TRPM3: variants seen among roughly 807,000 people sequenced by gnomAD.
TRPM3 encodes the protein long transient receptor potential channel 3.
TRPM3 carries 77 observed loss-of-function variants against 181.2 expected under a neutral mutation model. The ratio of observed to expected loss-of-function variants is 0.42; its 90% confidence interval spans 0.35 to 0.51. TRPM3 has a LOEUF of 0.51. Ranked by LOEUF, TRPM3 falls within the 20% of genes least tolerant of loss-of-function variation. TRPM3 has a pLI of 0.01. For missense variants in TRPM3, 1,759 were observed against 2,196.7 expected, an observed-to-expected ratio of 0.80 and a Z score of 3.98; for synonymous variants, 745 against 796.4, an observed-to-expected ratio of 0.94 and a Z score of 1.09.
intron 1 of TRPM3, among the ~76,000 whole-genome samples, chr9:71,301,792 T>C (rs2086799670): frequency 6.6e-6 from 1 of 152,184 alleles, no homozygotes; most frequent in Non-Finnish European, 1.5e-5. Flanking sequence ...TTATAAGAAC[T>C]GTCTACCTAA....
intron 1 of TRPM3, among the ~76,000 whole-genome samples, chr9:71,430,204 G>A (rs2093934288): frequency 1.3e-5 from 2 of 152,130 alleles, no homozygotes; most frequent in South Asian, 2.1e-4. Context: ...CACATAATCA[G>A]ATTGTTGTAC....
intron 1 of TRPM3, among the ~76,000 whole-genome samples, chr9:71,269,178 A>G (rs1455407691): frequency 6.6e-6 from 1 of 152,246 alleles, no homozygotes; most frequent in Admixed American, 6.5e-5. Context: ...GAGCTGGTAC[A>G]TTATACACAA....
At chr9:71,116,685 A>ATTTC (rs891533479) in intron 1 of TRPM3, among the ~76,000 whole-genome samples, 1 of 152,120 alleles carries the variant, frequency 6.6e-6, no homozygotes, top group Non-Finnish European at 1.5e-5. Context: ...ATACTTCTGT[A>ATTTC]TCACAAAGAG....
intron 1 of TRPM3, among the ~76,000 whole-genome samples, chr9:71,251,539 A>G (rs1290459772): frequency 6.6e-6 from 1 of 152,196 alleles, no homozygotes; most frequent in East Asian, 1.9e-4. Context: ...TTTTAACATT[A>G]GAATACTCAC....
chr9:70,886,340 C>G (rs1295471177), intron 1 of TRPM3, among the ~76,000 whole-genome samples: 1 of 152,182 alleles, frequency 6.6e-6, no homozygotes, highest in Non-Finnish European at 1.5e-5. Context: ...ACAATGGGAA[C>G]TCCCAAGGAG....
rs2040572054 is a variant in TRPM3 at position 70,529,465 on chromosome 9, A to G, written c.*6488T>C. 2.0e-5 allele frequency: 3 copies of G among 152,174 alleles called. No homozygotes were observed. The highest frequency in any genetic ancestry group is 4.4e-5 in the Non-Finnish European group (3 of 68,034). The allele number at this position is 152,174 out of a possible 1,614,324, so 9.4% of individuals were successfully genotyped here. ...ATTATGAAATGGCTATGAGTACAGT[A>G]TACTGCACGTACTGTTTTTACACAG... On this transcript the variant is annotated 3_prime_UTR_variant, in exon 26 of 26. Transcript: ENST00000677713.
At chr9:71,360,171 A>T (rs1365729837) in intron 1 of TRPM3, among the ~76,000 whole-genome samples, 1 of 152,146 alleles carries the variant, frequency 6.6e-6, no homozygotes, top group Non-Finnish European at 1.5e-5. Context: ...AGGTTAGGTA[A>T]TCTCAAAGCT....
rs986780767 is a variant in TRPM3 at position 71,119,030 on chromosome 9, G to A, written c.177+2148C>T. Reference sequence around the variant, plus strand: ...AGGAGAAACATACAACAATCCATAGGAAAAAAATACATAGCATTCACAGCC... The same window carrying A: ...AGGAGAAACATACAACAATCCATAGAAAAAAAATACATAGCATTCACAGCC... On this transcript the variant is annotated intron_variant, in intron 1 of 25. Transcript: ENST00000677713. Among the ~76,000 whole-genome samples the A allele has an allele frequency of 2.0e-5, 3 of 152,100 alleles. No homozygotes were observed. In the East Asian group the frequency reaches 5.8e-4, roughly 29 times the overall value.
intron 20 of TRPM3, among the ~76,000 whole-genome samples, chr9:70,600,195 CT>C (rs905333467): frequency 6.6e-6 from 1 of 152,182 alleles, no homozygotes; most frequent in African/African-American, 2.4e-5. Context: ...GGGAATGCCA[CT>C]TAGTGAAGCT....
upstream of TRPM3, among the ~76,000 whole-genome samples, chr9:71,124,478 A>G (rs1044298045): frequency 1.3e-5 from 2 of 152,176 alleles, no homozygotes; most frequent in Admixed American, 6.5e-5. Flanking sequence ...TATCCTAAAA[A>G]ATAGCAAGCA....
intron 1 of TRPM3, among the ~76,000 whole-genome samples, chr9:71,242,658 A>T (rs1163917731): frequency 6.6e-6 from 1 of 152,144 alleles, no homozygotes; most frequent in Non-Finnish European, 1.5e-5. Context: ...TACTACCACC[A>T]TTACTATCAT....
At chr9:71,255,909 T>C (rs966649885) in intron 1 of TRPM3, among the ~76,000 whole-genome samples, 1 of 152,170 alleles carries the variant, frequency 6.6e-6, no homozygotes, top group Non-Finnish European at 1.5e-5. Flanking sequence ...GCCACAATTA[T>C]CTTGTTTTCA....
chr9:71,189,953 T>C (rs2077910527), intron 1 of TRPM3, among the ~76,000 whole-genome samples: 1 of 151,960 alleles, frequency 6.6e-6, no homozygotes, highest in Non-Finnish European at 1.5e-5. Context: ...TAAAAATTTA[T>C]CTGCAGCCTA....
intron 1 of TRPM3, among the ~76,000 whole-genome samples, chr9:71,073,526 C>T (rs1027288527): frequency 6.6e-6 from 1 of 152,152 alleles, no homozygotes; most frequent in Non-Finnish European, 1.5e-5. Flanking sequence ...TTTAATTTTG[C>T]TGGCCAGAGA....
intron 1 of TRPM3, among the ~76,000 whole-genome samples, chr9:71,237,071 A>AGGG (rs1565371758): frequency 7.5e-5 from 11 of 145,798 alleles, no homozygotes; most frequent in African/African-American, 2.6e-4. Flanking sequence ...GGGGGGGGGA[A>AGGG]AAAAAGAAAG....
intron 24 of TRPM3, among the ~76,000 whole-genome samples, chr9:70,550,561 G>A (rs1259717525): frequency 1.3e-5 from 2 of 152,220 alleles, no homozygotes; most frequent in South Asian, 4.1e-4. Flanking sequence ...AGTAGAAAGA[G>A]CCCAGTGGAA....
At chr9:71,201,494 A>G (rs1587924242) in intron 1 of TRPM3, among the ~76,000 whole-genome samples, 2 of 152,252 alleles carry the variant, frequency 1.3e-5, no homozygotes, top group Admixed American at 6.5e-5. Context: ...CATTCTCCCC[A>G]TCACTTTCAG....
chr9:70,600,757 A>G (rs1010811205), intron 20 of TRPM3, among the ~76,000 whole-genome samples: 1 of 152,224 alleles, frequency 6.6e-6, no homozygotes, highest in African/African-American at 2.4e-5. Flanking sequence ...GCATCTTAAC[A>G]GAGCAAAAAT....
In TRPM3 at chr9:70,894,052, G is replaced by A. The variant is rs373888805; in HGVS notation, c.178-29541C>T. On this transcript the variant is annotated intron_variant, in intron 1 of 25. Coordinates refer to ENST00000677713, the MANE Select transcript of TRPM3 (RefSeq NM_001366145.2). The stretch of plus-strand genomic sequence containing the variant: ...CGGATGTCCAGGAACTTGGAAAAAT[G>A]TTTGGAACATTGTTGGAGGAAAGCA... 3.3e-5 allele frequency among the ~76,000 whole-genome samples: 5 copies of A among 152,288 alleles called. No individual in the cohort carries two copies. In the South Asian group the frequency reaches 1.0e-3, roughly 32 times the overall value.
Sources: gnomAD v4.1 joint callset for allele counts (sites outside exome capture counted in the v4.1 genomes callset) on GRCh38, gnomAD v4.1.1 for gene constraint, MANE v1.5 for transcripts, NCBI Gene and HGNC (gene_info 2026-07-23, HGNC 2026-07-21) for gene names.